ZBTB20: variants seen among roughly 807,000 people sequenced by gnomAD.
ZBTB20 encodes zinc finger and BTB domain containing 20, also known as zinc finger and BTB domain-containing protein 20.
In ZBTB20, 9 loss-of-function variants were observed where a neutral mutation model predicts 56.9. The ratio of observed to expected loss-of-function variants is 0.16; its 90% CI spans 0.10 to 0.28. The LOEUF is 0.28. ZBTB20 is among the 10% of genes least tolerant of loss of function. The pLI, the probability that ZBTB20 is intolerant of heterozygous loss-of-function variation, is 1.00. For missense variants in ZBTB20, 655 were observed against 1,003.0 expected (o/e 0.65, Z 4.69); for synonymous variants, 417 against 420.7 (o/e 0.99, Z 0.11).
intron 2 of ZBTB20, among the ~76,000 whole-genome samples, chr3:115,004,335 C>T (rs2079379087): frequency 6.6e-6 from 1 of 151,682 alleles, no homozygotes; most frequent in South Asian, 2.1e-4. Flanking sequence ...AGATGCCTTG[C>T]CTATAATCTC....
chr3:114,690,222 GA>G (rs2062617725), intron 6 of ZBTB20, among the ~76,000 whole-genome samples: 1 of 152,008 alleles, frequency 6.6e-6, no homozygotes, highest in East Asian at 1.9e-4. Flanking sequence ...GTGTGGTGGG[GA>G]AACTTTTTTT....
At position 114,321,232 on chromosome 3, in the gene ZBTB20, A is replaced by C. The variant is rs968650057; in HGVS notation, c.*17773T>G. On this transcript the variant is annotated 3_prime_UTR_variant, in exon 12 of 12. Coordinates refer to ENST00000675478, the MANE Select transcript of ZBTB20 (RefSeq NM_001348800.3). The stretch of plus-strand genomic sequence containing the variant: ...GAGATGAAATATAATTCTGTTAGAG[A>C]GGACATGGTGGTGAGATGGGAAAGA... The C allele has an allele frequency of 1.3e-5, 2 of 152,252 alleles. No individual in the cohort carries two copies. Among genetic ancestry groups the C allele is most frequent in the African/African-American group, 4.8e-5 (2 of 41,470 alleles). 9.4% of individuals were successfully genotyped at this position (152,252 alleles called of 1,614,324 possible).
At chr3:114,592,548 T>A (rs2055879407) in intron 6 of ZBTB20, among the ~76,000 whole-genome samples, 1 of 152,194 alleles carries the variant, frequency 6.6e-6, no homozygotes, top group Non-Finnish European at 1.5e-5. Context: ...TGTGAAAGTA[T>A]CATCAACCAC....
intron 6 of ZBTB20, among the ~76,000 whole-genome samples, chr3:114,553,854 A>G (rs1474875905): frequency 6.6e-6 from 1 of 152,164 alleles, no homozygotes; most frequent in African/African-American, 2.4e-5. Context: ...TAGCTTCCAT[A>G]TTCCCATAAT....
intron 6 of ZBTB20, among the ~76,000 whole-genome samples, chr3:114,559,871 T>A (rs1056480061): frequency 1.3e-5 from 2 of 152,176 alleles, no homozygotes; most frequent in Non-Finnish European, 2.9e-5. Context: ...ATTCTAATCA[T>A]GTGGAAAGCC....
intron 2 of ZBTB20, among the ~76,000 whole-genome samples, chr3:115,036,708 C>G (rs940703134): frequency 1.3e-5 from 2 of 152,134 alleles, no homozygotes; most frequent in Non-Finnish European, 2.9e-5. Context: ...CCGCAGCGCC[C>G]GGCCACTTTG....
chr3:114,348,954 C>A (rs549418368), intron 11 of ZBTB20, among the ~76,000 whole-genome samples: 2 of 152,158 alleles, frequency 1.3e-5, no homozygotes, highest in East Asian at 1.9e-4. Context: ...AATCTCATAA[C>A]TTTGGGAGGC....
chr3:115,085,782 T>G (rs2082963331), intron 1 of ZBTB20, among the ~76,000 whole-genome samples: 1 of 151,918 alleles, frequency 6.6e-6, no homozygotes, highest in Non-Finnish European at 1.5e-5. Flanking sequence ...TCAGGAAATT[T>G]CTTGAGTTTC....
intron 6 of ZBTB20, among the ~76,000 whole-genome samples, chr3:114,662,425 T>G (rs543039593): frequency 2.8e-5 from 4 of 144,064 alleles, no homozygotes; most frequent in Non-Finnish European, 4.6e-5. Flanking sequence ...TACCCAGTAA[T>G]GGGATGGCTG....
At chr3:114,553,351 T>C (rs1460960405) in intron 6 of ZBTB20, among the ~76,000 whole-genome samples, 1 of 152,188 alleles carries the variant, frequency 6.6e-6, no homozygotes, top group Non-Finnish European at 1.5e-5. Flanking sequence ...AAGTATAATT[T>C]AACTTCCACT....
intron 1 of ZBTB20, among the ~76,000 whole-genome samples, chr3:115,081,082 G>GA (rs1450338879): frequency 1.3e-5 from 2 of 152,054 alleles, no homozygotes; most frequent in Admixed American, 1.3e-4. Flanking sequence ...CTGGCACTGG[G>GA]AAAACTGTTT....
rs560950855 is a variant in ZBTB20, at chr3:114,774,469, C to T, written c.-343+26632G>A. On this transcript the variant is annotated intron_variant, in intron 5 of 11. Transcript: ENST00000675478. ...CCACGTGAGAAAATGTACACACATT[C>T]CTTTCTTTTGAATACCACATTCTGC... Among the ~76,000 whole-genome samples the T allele has an allele frequency of 1.8e-4, 28 of 152,230 alleles. No individual in the cohort carries two copies. The South Asian group carries it at 4.2e-3, about 23-fold the overall frequency.
At chr3:114,497,850 C>T (rs940135312) in intron 7 of ZBTB20, among the ~76,000 whole-genome samples, 6 of 152,146 alleles carry the variant, frequency 3.9e-5, no homozygotes, top group African/African-American at 9.7e-5. Context: ...TTAATCAAAA[C>T]GAAGCCAAGT....
intron 1 of ZBTB20, among the ~76,000 whole-genome samples, chr3:115,108,492 G>A (rs527929884): frequency 6.6e-6 from 1 of 152,166 alleles, no homozygotes; most frequent in African/African-American, 2.4e-5. Context: ...CAATGTAAAC[G>A]TGGCCAGATT....
At chr3:114,954,826 T>C (rs2077193463) in intron 3 of ZBTB20, among the ~76,000 whole-genome samples, 1 of 152,182 alleles carries the variant, frequency 6.6e-6, no homozygotes, top group Non-Finnish European at 1.5e-5. Flanking sequence ...AAAACTTCAT[T>C]GAGTTCTGGC....
intron 6 of ZBTB20, among the ~76,000 whole-genome samples, chr3:114,661,915 T>A (rs79378014): frequency 0.038 from 5,842 of 152,098 alleles, 163 homozygotes; most frequent in Admixed American, 0.098. Context: ...TTTTTTTTTT[T>A]AATTATACTT....
At chr3:114,822,046 C>T (rs771696588) in intron 4 of ZBTB20, among the ~76,000 whole-genome samples, 17 of 151,966 alleles carry the variant, frequency 1.1e-4, no homozygotes, top group Non-Finnish European at 1.5e-4. Flanking sequence ...AAAAAAATCT[C>T]AGAAATATGT....
intron 5 of ZBTB20, among the ~76,000 whole-genome samples, chr3:114,767,905 C>T (rs960138027): frequency 6.6e-6 from 1 of 152,036 alleles, no homozygotes; most frequent in Non-Finnish European, 1.5e-5. Flanking sequence ...AACTTATCAA[C>T]CTTCTCTCCA....
At chr3:115,094,654 T>C (rs980959330) in intron 1 of ZBTB20, among the ~76,000 whole-genome samples, 6 of 151,800 alleles carry the variant, frequency 4.0e-5, no homozygotes, top group Admixed American at 2.0e-4. Context: ...ATAAAAGGAA[T>C]TGCAACAACA....
Sources: allele counts gnomAD v4.1 joint callset (sites outside exome capture counted in the v4.1 genomes callset), GRCh38; gene constraint gnomAD v4.1.1; transcripts MANE v1.5; gene names NCBI Gene and HGNC (gene_info 2026-07-23, HGNC 2026-07-21).